The following ZBTB40 variants were observed in gnomAD, a reference collection of about 807,000 sequenced individuals.
The protein encoded by ZBTB40 is zinc finger and BTB domain containing 40.
In ZBTB40, 60 loss-of-function variants were observed where a neutral mutation model predicts 117.5. The observed-to-expected ratio is 0.51, with a 90% CI of 0.41 to 0.63. ZBTB40 has a LOEUF of 0.63. Ranked by LOEUF, ZBTB40 falls within the 30% of genes least tolerant of loss-of-function variation. ZBTB40 has a pLI of 0.00. For synonymous variants in ZBTB40, 525 were observed against 577.1 expected, an observed-to-expected ratio of 0.91 and a Z score of 1.29; for missense variants, 1,287 against 1,498.5, an observed-to-expected ratio of 0.86 and a Z score of 2.33.
At chr1:22,448,804 CTTTTT>C, upstream of ZBTB40, among the ~76,000 whole-genome samples, 1 of 78,708 alleles carries the variant, frequency 1.3e-5, no homozygotes, top group Non-Finnish European at 3.8e-5. Flanking sequence ...TGTGTTATTT[CTTTTT>C]TTCTTTTTAA....
chr1:22,511,437 T>C, intron 10 of ZBTB40, 90 bp downstream of exon 10: 1 of 1,546,964 alleles, frequency 6.5e-7, no homozygotes. Context: ...TCATAGTTTA[T>C]CACAACCTTA....
At chr1:22,489,472 T>C (rs1194989770) in intron 1 of ZBTB40, among the ~76,000 whole-genome samples, 1 of 152,200 alleles carries the variant, frequency 6.6e-6, no homozygotes, top group East Asian at 1.9e-4. Context: ...TCTACATATT[T>C]ATCTCCTCTA....
At position 22,526,196 on chromosome 1, in the gene ZBTB40, T is replaced by C; in HGVS notation, c.3526-6T>C. ...CCAGAGCAGCCTCACGGTCTTTCTC[T>C]TTCAGGTGATCCAAACCCCAGAGCC... On this transcript the variant is annotated splice_polypyrimidine_tract_variant and splice_region_variant and intron_variant, in intron 17 of 17. Coordinates refer to ENST00000375647, the MANE Select transcript of ZBTB40 (RefSeq NM_014870.4). 2 of 1,614,170 alleles carry C rather than the reference T, an allele frequency of 1.2e-6. No individual in the cohort carries two copies. The highest frequency in any genetic ancestry group is 1.1e-5 in the South Asian group (1 of 91,082).
chr1:22,437,765 G>A (rs1380971717), intron 1 of ZBTB40, among the ~76,000 whole-genome samples: 2 of 151,594 alleles, frequency 1.3e-5, no homozygotes, highest in African/African-American at 4.8e-5. Context: ...TTAGTGTTAC[G>A]AAATACAATC....
At position 22,526,278 on chromosome 1, in the gene ZBTB40, A is replaced by AG; in HGVS notation, c.3604dup (p.Val1202GlyfsTer16). 6.2e-7 allele frequency: 1 copy of AG among 1,614,196 alleles called. No homozygotes were observed. The highest frequency in any genetic ancestry group is 1.1e-5 in the South Asian group (1 of 91,080). ...GAGGAGACCCAGCTTGCCGGGTCGC[A>AG]GGTGTTTGTGACGTTGCCAGATTCT... On this transcript the variant is annotated frameshift_variant, in exon 18 of 18. Transcript: ENST00000375647. LOFTEE classifies it high-confidence loss of function.
At chr1:22,444,384 C>T (rs1557474425) in intron 1 of ZBTB40, among the ~76,000 whole-genome samples, 1 of 152,066 alleles carries the variant, frequency 6.6e-6, no homozygotes, top group Non-Finnish European at 1.5e-5. Flanking sequence ...CATGCCACTC[C>T]AGCCTGGGCG....
At chr1:22,505,370 CT>C (rs1338906437) in intron 5 of ZBTB40, among the ~76,000 whole-genome samples, 2 of 152,164 alleles carry the variant, frequency 1.3e-5, no homozygotes. Flanking sequence ...GTTCTGTGCC[CT>C]TTTGACTCAA....
rs1367943159 is a variant in ZBTB40, at chr1:22,506,189, G to A, written c.1308G>A (p.Leu436=). The change falls in exon 6 of 18, where the codon CTG becomes CTA. Residue 436 remains leucine (L), a synonymous_variant. Coordinates refer to ENST00000375647, the MANE Select transcript of ZBTB40 (RefSeq NM_014870.4). ...CTGTGAAGACGACTTTCCCAAACCTGGGCCTTCTGCTAGAGAAGTTGCAGA... is the reference window on the plus strand; with the variant it reads ...CTGTGAAGACGACTTTCCCAAACCTAGGCCTTCTGCTAGAGAAGTTGCAGA... ...LQAVKTTFPN[L]GLLLEKLQKS... is the part of the protein sequence containing the mutation. 1 of 1,614,154 alleles carries A rather than the reference G, an allele frequency of 6.2e-7. No individual in the cohort carries two copies. Among genetic ancestry groups the A allele is most frequent in the Admixed American group, 1.7e-5 (1 of 60,030 alleles).
chr1:22,505,035 T>C (rs931449284), intron 5 of ZBTB40, among the ~76,000 whole-genome samples: 1 of 152,242 alleles, frequency 6.6e-6, no homozygotes, highest in Non-Finnish European at 1.5e-5. Context: ...CAGCTTGATT[T>C]ATTATGTATA....
At chr1:22,490,775 G>T in intron 2 of ZBTB40, 130 bp downstream of exon 2, 1 of 999,664 alleles carries the variant, frequency 1.0e-6, no homozygotes, top group Non-Finnish European at 1.5e-6. Flanking sequence ...TACCGTACTG[G>T]GCCATTCTTT....
At chr1:22,487,857 A>G (rs1306583330) in intron 1 of ZBTB40, among the ~76,000 whole-genome samples, 3 of 152,002 alleles carry the variant, frequency 2.0e-5, no homozygotes, top group African/African-American at 7.2e-5. Flanking sequence ...TGGCCTATAT[A>G]TCCCTCTGTG....
intron 1 of ZBTB40, among the ~76,000 whole-genome samples, chr1:22,479,998 C>T (rs1203090042): frequency 6.6e-6 from 1 of 152,102 alleles, no homozygotes; most frequent in African/African-American, 2.4e-5. Flanking sequence ...CCTCCGTCTC[C>T]TGGGTTCAAG....
At chr1:22,495,966 G>A (rs890659056) in intron 3 of ZBTB40, among the ~76,000 whole-genome samples, 3 of 152,224 alleles carry the variant, frequency 2.0e-5, no homozygotes, top group South Asian at 4.1e-4. Flanking sequence ...ATAAAGGCAA[G>A]GTAGGGGTTG....
intron 1 of ZBTB40, among the ~76,000 whole-genome samples, chr1:22,461,115 C>T (rs1473497927): frequency 6.6e-6 from 1 of 152,194 alleles, no homozygotes; most frequent in Non-Finnish European, 1.5e-5. Context: ...TGCTCTTAAT[C>T]ATTTAGCATA....
At chr1:22,460,976 A>G (rs1162565493) in intron 1 of ZBTB40, among the ~76,000 whole-genome samples, 2 of 152,114 alleles carry the variant, frequency 1.3e-5, no homozygotes, top group Non-Finnish European at 2.9e-5. Context: ...CTATTTCTCT[A>G]GTTGTATTAC....
chr1:22,511,919 G>A lies in ZBTB40; in HGVS notation c.2246G>A (p.Cys749Tyr). ...TGCGACAAAAGCTTCCATTTCTACTGCCGCCTAAAGGTGCACATGAAGCGC... is the reference window on the plus strand; with the variant it reads ...TGCGACAAAAGCTTCCATTTCTACTACCGCCTAAAGGTGCACATGAAGCGC... ...KACDKSFHFYCRLKVHMKRCR... is the reference protein window; with the variant it reads ...KACDKSFHFYYRLKVHMKRCR... The change falls in exon 11 of 18, where the codon TGC becomes TAC. Residue 749 changes from cysteine (C) to tyrosine (Y), a missense_variant. Around this residue, in one of 2 missense-constraint regions of ZBTB40, gnomAD observed 870 missense variants for 934.4 expected, o/e 0.93. Transcript: ENST00000375647. The A allele has an allele frequency of 1.9e-6, 3 of 1,614,220 alleles. No homozygotes were observed. Among genetic ancestry groups the A allele is most frequent in the Non-Finnish European group, 2.5e-6 (3 of 1,180,042 alleles).
At chr1:22,436,369 G>A (rs894108434) in intron 1 of ZBTB40, among the ~76,000 whole-genome samples, 7 of 152,044 alleles carry the variant, frequency 4.6e-5, no homozygotes, top group South Asian at 2.1e-4. Flanking sequence ...AAAATTAGCC[G>A]GGTGTGGTGG....
chr1:22,484,575 C>G (rs995317031), intron 1 of ZBTB40, among the ~76,000 whole-genome samples: 5 of 152,160 alleles, frequency 3.3e-5, no homozygotes, highest in African/African-American at 1.2e-4. Context: ...TAAAGACAAT[C>G]ATGTAGTCTG....
chr1:22,508,711 C>T lies in ZBTB40; in HGVS notation c.1679C>T (p.Ala560Val), dbSNP rs1639144502. ...LMEEIRREPG[A>V]DAFFRAVTTP... Reference sequence around the variant, plus strand: ...GAGGAAATACGAAGGGAGCCTGGTGCCGATGCTTTCTTCCGGGCAGGTAAG... The same window carrying T: ...GAGGAAATACGAAGGGAGCCTGGTGTCGATGCTTTCTTCCGGGCAGGTAAG... The change falls in exon 8 of 18, where the codon GCC becomes GTC. Residue 560 changes from alanine to valine, a missense_variant. Physicochemically the swap from Ala to Val is moderately conservative, Grantham distance 64 (BLOSUM62 0). Coordinates refer to ENST00000375647, the MANE Select transcript of ZBTB40 (RefSeq NM_014870.4). 1 of 1,613,886 alleles carries T rather than the reference C, an allele frequency of 6.2e-7. No individual in the cohort carries two copies. Among genetic ancestry groups the T allele is most frequent in the African/African-American group, 1.3e-5 (1 of 75,016 alleles).
Sources: allele counts gnomAD v4.1 joint callset (sites outside exome capture counted in the v4.1 genomes callset), GRCh38; gene constraint gnomAD v4.1.1; regional missense constraint gnomAD v4.1.1; transcripts MANE v1.5; gene names NCBI Gene and HGNC (gene_info 2026-07-23, HGNC 2026-07-21).